The following ACTR3 variants were observed in gnomAD, a reference collection of about 807,000 sequenced individuals.
ACTR3 encodes the protein actin related protein 3.
In ACTR3, 12 loss-of-function variants were observed where a neutral mutation model predicts 56.8. The observed-to-expected ratio is 0.21, with a 90% confidence interval of 0.14 to 0.34. The LOEUF (loss-of-function observed/expected upper bound fraction) is 0.34, where lower values mean the gene tolerates loss of function less well. Among genes scored for constraint, ACTR3 ranks in the 10% least tolerant of loss-of-function variants. The pLI is 1.00. For synonymous variants in ACTR3, 162 were observed against 167.4 expected (o/e 0.97, Z 0.25); for missense variants, 282 against 512.5 (o/e 0.55, Z 4.34).
At chr2:113,902,085 T>A (rs1303785792) in intron 1 of ACTR3, among the ~76,000 whole-genome samples, 1 of 152,212 alleles carries the variant, frequency 6.6e-6, no homozygotes, top group Admixed American at 6.5e-5. Flanking sequence ...ATACTTACTT[T>A]ATCTTTCTTG....
At chr2:113,917,395 C>A (rs1297123951) in intron 3 of ACTR3, among the ~76,000 whole-genome samples, 1 of 151,990 alleles carries the variant, frequency 6.6e-6, no homozygotes, top group East Asian at 1.9e-4. Flanking sequence ...TCTCTTTCTC[C>A]CTCTTTTTCT....
At chr2:113,908,222 A>G (rs758143224) in intron 1 of ACTR3, among the ~76,000 whole-genome samples, 1 of 150,966 alleles carries the variant, frequency 6.6e-6, no homozygotes, top group African/African-American at 2.4e-5. Flanking sequence ...TAAAAAGTTC[A>G]TATGTCAAAT....
chr2:113,895,752 T>C (rs1678995017), intron 1 of ACTR3, among the ~76,000 whole-genome samples: 1 of 152,238 alleles, frequency 6.6e-6, no homozygotes, highest in Non-Finnish European at 1.5e-5. Flanking sequence ...TTATCTGTTG[T>C]TGAGTTCAAG....
intron 8 of ACTR3, among the ~76,000 whole-genome samples, chr2:113,943,210 A>T (rs78813380): frequency 0.029 from 4,420 of 152,286 alleles, 102 homozygotes; most frequent in Non-Finnish European, 0.045. Flanking sequence ...ATCTCAGGGG[A>T]GATAATGGTT....
At chr2:113,910,524 T>C (rs1679288374) in intron 1 of ACTR3, among the ~76,000 whole-genome samples, 1 of 152,136 alleles carries the variant, frequency 6.6e-6, no homozygotes, top group Non-Finnish European at 1.5e-5. Context: ...GTCTGGGGCT[T>C]GTGACTGGTG....
chr2:113,895,825 C>T (rs1218008193), intron 1 of ACTR3, among the ~76,000 whole-genome samples: 1 of 152,148 alleles, frequency 6.6e-6, no homozygotes, highest in Non-Finnish European at 1.5e-5. Flanking sequence ...TATTTCTTCC[C>T]ATCTGTAATT....
In ACTR3 at chr2:113,890,251, G is replaced by GGCAGCA. The variant is rs753136447; in HGVS notation, c.-18_-13dup. 2.3e-4 allele frequency: 359 copies of GGCAGCA among 1,549,936 alleles called. 2 individuals carry two copies. In the East Asian group the frequency reaches 8.5e-3, roughly 37 times the overall value. On this transcript the variant is annotated 5_prime_UTR_variant, in exon 1 of 12. Transcript: ENST00000263238. ...CCCCTAGCAGCACGGAGCAGACGGC[G>GGCAGCA]GCAGCAGCAGCAGCAGGCGAGGAGG...
At chr2:113,938,716 A>G (rs1679871623) in intron 6 of ACTR3, among the ~76,000 whole-genome samples, 1 of 152,158 alleles carries the variant, frequency 6.6e-6, no homozygotes, top group South Asian at 2.1e-4. Flanking sequence ...GTTTCCTCAC[A>G]GGAGTGTGCT....
intron 8 of ACTR3, among the ~76,000 whole-genome samples, chr2:113,944,157 A>T (rs1679973296): frequency 1.3e-5 from 2 of 152,108 alleles, no homozygotes; most frequent in African/African-American, 4.8e-5. Context: ...ATCATAGGGG[A>T]GGCGTTTCAA....
Position 113,957,731 on chromosome 2 carries a change from TTA to T in ACTR3, c.*277_*278del, listed in dbSNP as rs1680242690. On this transcript the variant is annotated 3_prime_UTR_variant, in exon 12 of 12. Coordinates refer to ENST00000263238, the MANE Select transcript of ACTR3 (RefSeq NM_005721.5). ...TTTCTGTGCCCTGATATTTTGTATA[TTA>T]ATGAATTATCCAAGATTCGATGGGA... 2.9e-6 allele frequency: 1 copy of T among 345,930 alleles called. No homozygotes were observed. The highest frequency in any genetic ancestry group is 4.0e-5 in the Admixed American group (1 of 24,754). The allele number at this position is 345,930 out of a possible 1,614,324, so 21.4% of individuals were successfully genotyped here. A position where few individuals can be genotyped will look rare whatever the true frequency, so the allele number is the denominator to read the frequency against.
At position 113,957,619 on chromosome 2, in the gene ACTR3, A is replaced by T; in HGVS notation, c.*164A>T. The T allele has an allele frequency of 2.0e-6, 1 of 498,696 alleles. No homozygotes were observed. The highest frequency in any genetic ancestry group is 3.6e-6 in the Non-Finnish European group (1 of 277,542). 30.9% of individuals were successfully genotyped at this position (498,696 alleles called of 1,614,324 possible). A position where few individuals can be genotyped will look rare whatever the true frequency, so the allele number is the denominator to read the frequency against. On this transcript the variant is annotated 3_prime_UTR_variant, in exon 12 of 12. Transcript: ENST00000263238. ...TTTTAATAAGTGTATCACCATGCAG[A>T]TGTAGAAGAGAGCGAAAGTGATTGT...
rs1680244582 is a variant in ACTR3 at position 113,957,826 on chromosome 2, T to G, written c.*371T>G. 1 of 161,846 alleles carries G rather than the reference T, an allele frequency of 6.2e-6. No individual in the cohort carries two copies. Among genetic ancestry groups the G allele is most frequent in the African/African-American group, 2.4e-5 (1 of 41,814 alleles). 10.0% of individuals were successfully genotyped at this position (161,846 alleles called of 1,614,324 possible). On this transcript the variant is annotated 3_prime_UTR_variant, in exon 12 of 12. Transcript: ENST00000263238. ...CTTCTAAGTGTGCAGTGCAAGAGCT[T>G]GTTTATATTTCATACTTTTTATACT...
chr2:113,926,141 A>T (rs1159102702), intron 3 of ACTR3, among the ~76,000 whole-genome samples: 1 of 152,230 alleles, frequency 6.6e-6, no homozygotes, highest in Non-Finnish European at 1.5e-5. Flanking sequence ...CAAACCTGGA[A>T]TCAGATGGGA....
intron 1 of ACTR3, chr2:113,890,591 T>G: frequency 6.7e-6 from 9 of 1,337,572 alleles, no homozygotes; most frequent in Middle Eastern, 2.8e-4. Context: ...CTCCCGGCCC[T>G]TCCCCCACTA....
At chr2:113,907,427 T>C (rs1051957703) in intron 1 of ACTR3, among the ~76,000 whole-genome samples, 1 of 152,102 alleles carries the variant, frequency 6.6e-6, no homozygotes, top group Non-Finnish European at 1.5e-5. Context: ...GATTTTTAAA[T>C]TTTTTGTAGA....
At chr2:113,928,969 A>G (rs1453048232) in intron 4 of ACTR3, among the ~76,000 whole-genome samples, 1 of 152,200 alleles carries the variant, frequency 6.6e-6, no homozygotes, top group Non-Finnish European at 1.5e-5. Context: ...ATCATGCAAT[A>G]TGTGCATTTT....
chr2:113,911,004 C>CA (rs1679296588), intron 1 of ACTR3, among the ~76,000 whole-genome samples: 1 of 152,140 alleles, frequency 6.6e-6, no homozygotes, highest in Non-Finnish European at 1.5e-5. Flanking sequence ...TCAACAGTTT[C>CA]AGACTGCTTT....
intron 3 of ACTR3, among the ~76,000 whole-genome samples, 159 bp from the exon 4 acceptor site, chr2:113,927,186 T>G (rs560055436): frequency 6.6e-6 from 1 of 152,348 alleles, no homozygotes; most frequent in Admixed American, 6.5e-5. Context: ...TATCTTTAAA[T>G]CCTTAAGTAC....
chr2:113,913,544 T>C (rs1679347154), intron 2 of ACTR3, among the ~76,000 whole-genome samples: 1 of 152,240 alleles, frequency 6.6e-6, no homozygotes. Flanking sequence ...AATTATCAAG[T>C]AGTCCATTCC....
Sources: allele counts gnomAD v4.1 joint callset (sites outside exome capture counted in the v4.1 genomes callset), GRCh38; gene constraint gnomAD v4.1.1; transcripts MANE v1.5; gene names NCBI Gene and HGNC (gene_info 2026-07-23, HGNC 2026-07-21).